The following MFHAS1 variants were observed in gnomAD, a reference collection of about 807,000 sequenced individuals.
MFHAS1 encodes the protein multifunctional ROCO family signaling regulator 1, also known as malignant fibrous histiocytoma-amplified sequence 1.
In MFHAS1, 50 loss-of-function variants were observed where a neutral mutation model predicts 70.4. That is an observed-to-expected ratio of 0.71 (90% CI 0.57 to 0.90). The LOEUF (loss-of-function observed/expected upper bound fraction) is 0.90, where lower values mean the gene tolerates loss of function less well. Among genes scored for constraint, MFHAS1 ranks in the 40% least tolerant of loss-of-function variants. MFHAS1 has a pLI of 0.00. For missense variants in MFHAS1, 1,795 were observed against 1,347.6 expected, an observed-to-expected ratio of 1.33 and a Z score of -5.20; for synonymous variants, 952 against 620.0, an observed-to-expected ratio of 1.54 and a Z score of -7.96.
chr8:8,844,717 T>C (rs1807963907), intron 1 of MFHAS1, among the ~76,000 whole-genome samples: 2 of 152,214 alleles, frequency 1.3e-5, no homozygotes. Context: ...AAAGCTTAAA[T>C]TATAATTGGC....
chr8:8,803,801 G>A (rs753926379), intron 1 of MFHAS1, among the ~76,000 whole-genome samples: 4 of 151,816 alleles, frequency 2.6e-5, no homozygotes, highest in African/African-American at 4.8e-5. Context: ...GTGGAACCTC[G>A]GCTCTACTAA....
intron 1 of MFHAS1, among the ~76,000 whole-genome samples, chr8:8,833,858 CA>C: frequency 6.6e-6 from 1 of 152,076 alleles, no homozygotes; most frequent in South Asian, 2.1e-4. Flanking sequence ...TACTACTCAA[CA>C]ACAAAAAGAA....
intron 1 of MFHAS1, 23 bp downstream of exon 1, chr8:8,890,038 A>T (rs1411173226): frequency 1.3e-6 from 2 of 1,542,192 alleles, no homozygotes; most frequent in Non-Finnish European, 1.8e-6. Flanking sequence ...ACCACAGAAG[A>T]ACTTCTCCCT....
At chr8:8,819,281 T>G (rs1215992179) in intron 1 of MFHAS1, among the ~76,000 whole-genome samples, 6 of 152,196 alleles carry the variant, frequency 3.9e-5, no homozygotes, top group Non-Finnish European at 7.3e-5. Context: ...AATCTCTAGA[T>G]TTTTTAAACC....
intron 1 of MFHAS1, among the ~76,000 whole-genome samples, chr8:8,871,671 AT>A (rs1809079934): frequency 6.6e-6 from 1 of 152,166 alleles, no homozygotes; most frequent in African/African-American, 2.4e-5. Context: ...ATTTTTACCT[AT>A]TTACAGACGA....
rs1277029688 is a variant in MFHAS1, at chr8:8,783,714, AT to A, written c.*2307del. On this transcript the variant is annotated 3_prime_UTR_variant, in exon 3 of 3. Transcript: ENST00000276282. ...GCAAGGGACGCCTTGCTTAGAAAAC[AT>A]TCCTCTTGTGCTTAGTGAATCACCT... is the stretch of plus-strand genomic sequence containing the variant. 1 of 152,228 alleles carries A rather than the reference AT, an allele frequency of 6.6e-6. No individual in the cohort carries two copies. The allele number at this position is 152,228 out of a possible 1,614,324, so 9.4% of individuals were successfully genotyped here. A position where few individuals can be genotyped will look rare whatever the true frequency, so the allele number is the denominator to read the frequency against.
intron 1 of MFHAS1, among the ~76,000 whole-genome samples, chr8:8,868,297 G>T (rs1808937870): frequency 6.6e-6 from 1 of 151,352 alleles, no homozygotes; most frequent in Non-Finnish European, 1.5e-5. Context: ...CATGAGCACT[G>T]TGTTGTATCT....
At chr8:8,838,487 T>C (rs902722720) in intron 1 of MFHAS1, among the ~76,000 whole-genome samples, 2 of 152,224 alleles carry the variant, frequency 1.3e-5, no homozygotes, top group East Asian at 1.9e-4. Flanking sequence ...CTTCCCCCTA[T>C]ACCCCACACC....
At chr8:8,883,023 C>T (rs1244917766) in intron 1 of MFHAS1, among the ~76,000 whole-genome samples, 1 of 152,042 alleles carries the variant, frequency 6.6e-6, no homozygotes, top group African/African-American at 2.4e-5. Flanking sequence ...CATGGTGGTG[C>T]ACCCCTGTAG....
chr8:8,848,448 C>T (rs1808113981), intron 1 of MFHAS1, among the ~76,000 whole-genome samples: 1 of 151,152 alleles, frequency 6.6e-6, no homozygotes, highest in Non-Finnish European at 1.5e-5. Flanking sequence ...TTCCTCTCCA[C>T]TGCAGGCAAA....
chr8:8,832,532 A>T (rs1464703457), intron 1 of MFHAS1, among the ~76,000 whole-genome samples: 1 of 151,988 alleles, frequency 6.6e-6, no homozygotes, highest in East Asian at 1.9e-4. Context: ...CAGAAACCTT[A>T]CGAAGATACA....
intron 1 of MFHAS1, among the ~76,000 whole-genome samples, chr8:8,834,476 T>C (rs1563196178): frequency 6.6e-6 from 1 of 152,244 alleles, no homozygotes; most frequent in Non-Finnish European, 1.5e-5. Context: ...CTGTCTTTTA[T>C]ACTGTATTTT....
At chr8:8,837,647 G>GAA (rs549315378) in intron 1 of MFHAS1, among the ~76,000 whole-genome samples, 1 of 139,398 alleles carries the variant, frequency 7.2e-6, no homozygotes, top group African/African-American at 2.6e-5. Context: ...CATCTCAACT[G>GAA]AAAAAAAAAA....
chr8:8,822,661 G>T (rs1465373185), intron 1 of MFHAS1, among the ~76,000 whole-genome samples: 2 of 149,926 alleles, frequency 1.3e-5, no homozygotes, highest in African/African-American at 4.9e-5. Flanking sequence ...CCCAAGTCAG[G>T]GGGACTGAGA....
intron 1 of MFHAS1, among the ~76,000 whole-genome samples, chr8:8,824,715 G>A (rs1219224686): frequency 6.6e-6 from 1 of 152,202 alleles, no homozygotes; most frequent in African/African-American, 2.4e-5. Flanking sequence ...TAGTCCAGAT[G>A]GGTTTAGCGG....
At chr8:8,788,654 G>C (rs1393929864) in intron 2 of MFHAS1, among the ~76,000 whole-genome samples, 1 of 152,248 alleles carries the variant, frequency 6.6e-6, no homozygotes, top group African/African-American at 2.4e-5. Flanking sequence ...ACTCCAGCCT[G>C]GGTGACAGAC....
chr8:8,839,747 C>T (rs138842593), intron 1 of MFHAS1, among the ~76,000 whole-genome samples: 53 of 152,256 alleles, frequency 3.5e-4, no homozygotes, highest in African/African-American at 1.2e-3. Context: ...CAATGAAACA[C>T]CATCATGATA....
At chr8:8,849,592 C>A (rs926080989) in intron 1 of MFHAS1, among the ~76,000 whole-genome samples, 1 of 152,144 alleles carries the variant, frequency 6.6e-6, no homozygotes, top group Non-Finnish European at 1.5e-5. Flanking sequence ...CTGTTCAGTC[C>A]AACTGTGGCC....
chr8:8,890,929 G>A lies in MFHAS1; in HGVS notation c.2130C>T (p.Ser710=), dbSNP rs1369350251. The stretch of plus-strand genomic sequence containing the variant: ...TGTCCTCAAAGTAGAGTAGCTTGCC[G>A]CTCTCATGCAGGTAGGAGAGGGCAC... ...LQSALSYLHE[S]GKLLYFEDSP... The change falls in exon 1 of 3, where the codon AGC becomes AGT. Residue 710 remains serine, a synonymous_variant. Transcript: ENST00000276282. 5 of 1,613,944 alleles carry A rather than the reference G, an allele frequency of 3.1e-6. No homozygotes were observed. The highest frequency in any genetic ancestry group is 4.5e-5 in the East Asian group (2 of 44,886).
Sources: gnomAD v4.1 joint callset for allele counts (sites outside exome capture counted in the v4.1 genomes callset) on GRCh38, gnomAD v4.1.1 for gene constraint, MANE v1.5 for transcripts, NCBI Gene and HGNC (gene_info 2026-07-23, HGNC 2026-07-21) for gene names.